The following IRAK1BP1 variants were observed in gnomAD, a reference collection of about 807,000 sequenced individuals.
IRAK1BP1 encodes interleukin-1 receptor-associated kinase 1-binding protein 1.
IRAK1BP1 carries 24 observed loss-of-function variants against 28.0 expected under a neutral mutation model. The observed-to-expected ratio is 0.86, with a 90% CI of 0.62 to 1.20. The LOEUF (loss-of-function observed/expected upper bound fraction) is 1.20, where lower values mean the gene tolerates loss of function less well. IRAK1BP1 is among the 50% of genes most tolerant of loss of function. The pLI is 0.00. For missense variants in IRAK1BP1, 336 were observed against 316.7 expected (o/e 1.06, Z -0.46); for synonymous variants, 131 against 116.3 (o/e 1.13, Z -0.81).
At chr6:78,872,207 C>T in intron 1 of IRAK1BP1, 1 of 669,852 alleles carries the variant, frequency 1.5e-6, no homozygotes. Context: ...CGGTAATTTG[C>T]TTGACAACAT....
intron 1 of IRAK1BP1, among the ~76,000 whole-genome samples, chr6:78,875,348 A>G (rs1230855027): frequency 1.3e-5 from 2 of 152,242 alleles, no homozygotes; most frequent in Non-Finnish European, 2.9e-5. Flanking sequence ...TAGAAATAAA[A>G]TTACCATTTG....
chr6:78,951,297 T>C (rs1297256728), downstream of IRAK1BP1, among the ~76,000 whole-genome samples: 3 of 152,186 alleles, frequency 2.0e-5, no homozygotes, highest in Non-Finnish European at 4.4e-5. Flanking sequence ...CCATGTAGTA[T>C]AGTACATAAT....
chr6:78,910,789 C>G (rs1176620364), intron 4 of IRAK1BP1, among the ~76,000 whole-genome samples: 1 of 152,244 alleles, frequency 6.6e-6, no homozygotes, highest in African/African-American at 2.4e-5. Flanking sequence ...GCACACCCTC[C>G]CGACCTCCGC....
chr6:78,966,666 C>T, the IRAK1BP1 span, among the ~76,000 whole-genome samples: 3 of 152,316 alleles, frequency 2.0e-5, no homozygotes, highest in South Asian at 2.1e-4. Context: ...CAATTGCTGT[C>T]GTCGTATTAC....
chr6:78,922,702 C>G (rs1772772193), intron 4 of IRAK1BP1, among the ~76,000 whole-genome samples: 1 of 152,092 alleles, frequency 6.6e-6, no homozygotes, highest in African/African-American at 2.4e-5. Flanking sequence ...AAAGGGAAGC[C>G]CATCAGACTA....
chr6:78,928,737 A>G (rs1772960063), intron 4 of IRAK1BP1, among the ~76,000 whole-genome samples: 3 of 152,152 alleles, frequency 2.0e-5, no homozygotes. Context: ...GGGATGTTGA[A>G]TTTCATCAAA....
intron 4 of IRAK1BP1, among the ~76,000 whole-genome samples, chr6:78,910,412 A>G (rs1448824822): frequency 4.6e-5 from 7 of 152,274 alleles, no homozygotes; most frequent in Non-Finnish European, 7.3e-5. Context: ...AATTTAGCTC[A>G]GGAATCAGCA....
the IRAK1BP1 span, among the ~76,000 whole-genome samples, chr6:78,974,519 C>G: frequency 6.6e-6 from 1 of 151,560 alleles, no homozygotes; most frequent in Non-Finnish European, 1.5e-5. Context: ...CAAGAAATAA[C>G]TAAGATCAGA....
At position 78,897,256 on chromosome 6, in the gene IRAK1BP1, T is replaced by TAA. The variant is rs749859007; in HGVS notation, c.382-552_382-551dup. Among the ~76,000 whole-genome samples, 1,108 of 110,950 alleles carry TAA rather than the reference T, an allele frequency of 1.0e-2. 13 individuals are homozygous for TAA. Among genetic ancestry groups the TAA allele is most frequent in the African/African-American group, 0.032 (925 of 28,684 alleles). The allele number at this position is 110,950 out of a possible 152,430, so 72.8% of individuals were successfully genotyped here. A position where few individuals can be genotyped will look rare whatever the true frequency, so the allele number is the denominator to read the frequency against. On this transcript the variant is annotated intron_variant, in intron 2 of 3. Transcript: ENST00000369940. ...CAACGTAGCAAGATCTTGTCTCTCT[T>TAA]AAAAAAAAAAAAAAAAAAAAAAGAC...
At chr6:78,885,278 A>G in intron 1 of IRAK1BP1, 100 bp from the exon 2 acceptor site, 1 of 641,918 alleles carries the variant, frequency 1.6e-6, no homozygotes, top group Non-Finnish European at 2.7e-6. Context: ...TGCATATTTT[A>G]TGTTTTTCTG....
At chr6:78,962,763 G>A in the IRAK1BP1 span, among the ~76,000 whole-genome samples, 5 of 152,078 alleles carry the variant, frequency 3.3e-5, no homozygotes, top group Non-Finnish European at 5.9e-5. Flanking sequence ...TTATAACTCA[G>A]CTTTCAATCC....
intron 1 of IRAK1BP1, among the ~76,000 whole-genome samples, chr6:78,869,308 C>T (rs969273764): frequency 6.6e-6 from 1 of 151,966 alleles, no homozygotes; most frequent in African/African-American, 2.4e-5. Context: ...TCACTTGAGG[C>T]CAGGAGTTCG....
chr6:78,896,305 G>C (rs1160523507), intron 2 of IRAK1BP1, among the ~76,000 whole-genome samples: 27 of 142,412 alleles, frequency 1.9e-4, no homozygotes, highest in Admixed American at 1.4e-4. Flanking sequence ...ATTTATAATA[G>C]CCCCAAACTG....
At chr6:78,947,377 A>G (rs1773882576), downstream of IRAK1BP1, among the ~76,000 whole-genome samples, 1 of 152,230 alleles carries the variant, frequency 6.6e-6, no homozygotes, top group South Asian at 2.1e-4. Context: ...GGTGCATACC[A>G]GGACAATTTG....
chr6:78,967,446 C>T, the IRAK1BP1 span, among the ~76,000 whole-genome samples: 3 of 152,272 alleles, frequency 2.0e-5, no homozygotes, highest in East Asian at 5.8e-4. Context: ...TCATAACGAA[C>T]AATATCTGTA....
chr6:78,940,137 A>G (rs1028059018), intron 4 of IRAK1BP1: 1 of 152,230 alleles, frequency 6.6e-6, no homozygotes, highest in African/African-American at 2.4e-5. Context: ...TGAACATTCT[A>G]TAATTAAAAT....
At chr6:78,871,971 C>A in intron 1 of IRAK1BP1, 1 of 509,180 alleles carries the variant, frequency 2.0e-6, no homozygotes, top group Non-Finnish European at 3.5e-6. Context: ...CTGCCGGAAT[C>A]CACTCTCTGC....
At chr6:78,955,749 T>A in the IRAK1BP1 span, 53 of 607,090 alleles carry the variant, frequency 8.7e-5, no homozygotes, top group African/African-American at 8.3e-4. Flanking sequence ...TAAAAATTTG[T>A]TCGTAAAACC....
At chr6:78,938,924 A>C (rs1773368970) in intron 4 of IRAK1BP1, 1 of 151,616 alleles carries the variant, frequency 6.6e-6, no homozygotes. Context: ...TATGTAATGT[A>C]TTTTGCCAAG....
Sources: gnomAD v4.1 joint callset for allele counts (sites outside exome capture counted in the v4.1 genomes callset) on GRCh38, gnomAD v4.1.1 for gene constraint, MANE v1.5 for transcripts, NCBI Gene and HGNC (gene_info 2026-07-23, HGNC 2026-07-21) for gene names.